The following ANKRD18B variants were observed in gnomAD, a reference collection of about 807,000 sequenced individuals.
The protein encoded by ANKRD18B is ankyrin repeat domain-containing protein 18B.
In ANKRD18B, 75 loss-of-function variants were observed where a neutral mutation model predicts 111.8. The ratio of observed to expected loss-of-function variants is 0.67; its 90% CI spans 0.56 to 0.81. The LOEUF is 0.81. Among genes scored for constraint, ANKRD18B ranks in the 40% least tolerant of loss-of-function variants. The pLI, the probability that ANKRD18B is intolerant of heterozygous loss-of-function variation, is 0.00. For missense variants in ANKRD18B, 1,038 were observed against 1,225.5 expected (o/e 0.85, Z 2.28); for synonymous variants, 356 against 417.3 (o/e 0.85, Z 1.79).
chr9:33,565,424 A>G (rs532833628), intron 14 of ANKRD18B, among the ~76,000 whole-genome samples: 9 of 152,344 alleles, frequency 5.9e-5, no homozygotes, highest in Middle Eastern at 3.4e-3. Context: ...TTTGCGGTTT[A>G]GGGAAAGGCT....
At chr9:33,570,322 T>C (rs1485536052) in intron 17 of ANKRD18B, among the ~76,000 whole-genome samples, 3 of 152,070 alleles carry the variant, frequency 2.0e-5, no homozygotes, top group Non-Finnish European at 4.4e-5. Flanking sequence ...TGGGCCAGGG[T>C]TGAAAAACTG....
chr9:33,543,772 C>T (rs1828317551), intron 10 of ANKRD18B, among the ~76,000 whole-genome samples: 1 of 152,090 alleles, frequency 6.6e-6, no homozygotes, highest in Admixed American at 6.6e-5. Context: ...AGTCCAACTG[C>T]CTATTGAGAG....
Position 33,571,288 on chromosome 9 carries a change from A to C in ANKRD18B, c.3220A>C (p.Lys1074Gln), listed in dbSNP as rs1828772483. The C allele has an allele frequency of 8.6e-7, 1 of 1,168,574 alleles. No homozygotes were observed. The highest frequency in any genetic ancestry group is 1.1e-6 in the Non-Finnish European group (1 of 921,108). The allele number at this position is 1,168,574 out of a possible 1,614,324, so 72.4% of individuals were successfully genotyped here. ...CAEQIITETK[K>Q]TFAALGPCSY... ...AGAACAAATAATTACAGAAACAAAG[A>C]AAAGTATGTTGCCAAAATGTATTAA... is the stretch of plus-strand genomic sequence containing the variant. The change falls in exon 18 of 19, where the codon AAA becomes CAA. Residue 1074 changes from lysine (K) to glutamine (Q), a missense_variant. Physicochemically the swap from Lys to Gln is moderately conservative, Grantham distance 53 (BLOSUM62 1). Transcript: ENST00000684830.
chr9:33,548,891 A>C (rs772391718), intron 11 of ANKRD18B, 36 bp downstream of exon 11: 2 of 1,423,890 alleles, frequency 1.4e-6, no homozygotes. Flanking sequence ...TCTGGAAAGA[A>C]AATTTAAACA....
intron 17 of ANKRD18B, among the ~76,000 whole-genome samples, chr9:33,569,708 C>T (rs890793353): frequency 1.3e-5 from 2 of 152,070 alleles, no homozygotes; most frequent in African/African-American, 4.8e-5. Flanking sequence ...TTAAATAAAA[C>T]ACTGAAAGTT....
In ANKRD18B at chr9:33,548,487, G is replaced by A. The variant is rs1170458947; in HGVS notation, c.1699G>A (p.Ala567Thr). The change falls in exon 11 of 19, where the codon GCT (alanine) becomes ACT (threonine). Residue 567 changes from alanine to threonine, a missense_variant. Physicochemically the swap from Ala to Thr is moderately conservative, Grantham distance 58 (BLOSUM62 0). Around this residue, in one of 4 missense-constraint regions of ANKRD18B, gnomAD observed 524 missense variants for 677.9 expected, o/e 0.77. Coordinates refer to ENST00000684830, the MANE Select transcript of ANKRD18B (RefSeq NM_001393611.1). ...AGGTAAGCTCCGTGAGACAAGAGAT[G>A]CTCTCAGGGAAAAGACATTGGCTTT... ...LKGKLRETRDALREKTLALES... is the reference protein window; with the variant it reads ...LKGKLRETRDTLREKTLALES... The A allele has an allele frequency of 3.9e-6, 6 of 1,551,214 alleles. No individual in the cohort carries two copies. The highest frequency in any genetic ancestry group is 2.4e-5 in the East Asian group (1 of 40,920).
Position 33,550,487 on chromosome 9 carries a change from T to C in ANKRD18B, c.2125T>C (p.Ser709Pro). Residue 709 changes from serine to proline, a missense_variant, in exon 12 of 19, where the codon TCA becomes CCA. Ser to Pro is a moderately conservative substitution (Grantham distance 74). This residue lies in a region of ANKRD18B where 524 missense variants were observed against 677.9 expected (regional missense o/e 0.77). Transcript: ENST00000684830. Reference protein sequence around the residue: ...LVDHLKKFSMSESPLEGTSHC... With the variant: ...LVDHLKKFSMPESPLEGTSHC... Reference sequence around the variant, plus strand: ...CGATCATCTTAAAAAATTTTCAATGTCAGAGTCTCCACTGGAAGGTACATC... The same window carrying C: ...CGATCATCTTAAAAAATTTTCAATGCCAGAGTCTCCACTGGAAGGTACATC... 1.3e-6 allele frequency: 2 copies of C among 1,548,544 alleles called. No individual in the cohort carries two copies. Among genetic ancestry groups the C allele is most frequent in the Non-Finnish European group, 1.7e-6 (2 of 1,145,590 alleles).
chr9:33,572,893 A>G lies in ANKRD18B; in HGVS notation c.*459A>G. The G allele has an allele frequency of 3.4e-6, 1 of 295,034 alleles. No individual in the cohort carries two copies. Among genetic ancestry groups the G allele is most frequent in the Non-Finnish European group, 5.1e-6 (1 of 195,450 alleles). 18.3% of individuals were successfully genotyped at this position (295,034 alleles called of 1,614,324 possible). A position where few individuals can be genotyped will look rare whatever the true frequency, so the allele number is the denominator to read the frequency against. On this transcript the variant is annotated 3_prime_UTR_variant, in exon 19 of 19. Coordinates refer to ENST00000684830, the MANE Select transcript of ANKRD18B (RefSeq NM_001393611.1). ...CAAAACCCACTAGATTTAGCATTTC[A>G]TGGATGACTTGTGTTTGAACAAGTA... is the stretch of plus-strand genomic sequence containing the variant.
At chr9:33,550,877 T>A (rs1321884877) in intron 12 of ANKRD18B, among the ~76,000 whole-genome samples, 2 of 152,194 alleles carry the variant, frequency 1.3e-5, no homozygotes, top group African/African-American at 4.8e-5. Context: ...TATTTTTAGA[T>A]AATTTCCTTA....
At chr9:33,530,144 T>A (rs576854049) in intron 3 of ANKRD18B, among the ~76,000 whole-genome samples, 25 of 152,158 alleles carry the variant, frequency 1.6e-4, no homozygotes, top group Admixed American at 3.9e-4. Context: ...ATATTGGCCA[T>A]GTGGGTGAGA....
At chr9:33,530,498 A>AAGAC (rs1394413853) in intron 3 of ANKRD18B, among the ~76,000 whole-genome samples, 1 of 147,572 alleles carries the variant, frequency 6.8e-6, no homozygotes, top group Non-Finnish European at 1.5e-5. Context: ...AATACATAGT[A>AAGAC]AGACTCTTGT....
chr9:33,552,501 C>T (rs10971560), intron 12 of ANKRD18B, among the ~76,000 whole-genome samples: 12,844 of 152,170 alleles, frequency 0.084, 560 homozygotes, highest in South Asian at 0.099. Context: ...TTTTCAGCTC[C>T]GTGGCTCAGC....
intron 15 of ANKRD18B, 134 bp downstream of exon 15, chr9:33,566,634 A>G: frequency 9.2e-7 from 1 of 1,084,148 alleles, no homozygotes. Flanking sequence ...AGCTCTAGAA[A>G]AAAGTGACGT....
intron 10 of ANKRD18B, among the ~76,000 whole-genome samples, chr9:33,545,821 A>G (rs1563903213): frequency 6.6e-6 from 1 of 152,184 alleles, no homozygotes; most frequent in Non-Finnish European, 1.5e-5. Context: ...TCTTTTTATA[A>G]GTTATCTGAT....
At chr9:33,554,402 T>C (rs1828492648) in intron 12 of ANKRD18B, among the ~76,000 whole-genome samples, 1 of 152,236 alleles carries the variant, frequency 6.6e-6, no homozygotes, top group Admixed American at 6.5e-5. Flanking sequence ...GTCTATAATA[T>C]GTGTACTAGA....
At chr9:33,567,966 AG>A (rs1352798129) in intron 16 of ANKRD18B, among the ~76,000 whole-genome samples, 3 of 152,246 alleles carry the variant, frequency 2.0e-5, no homozygotes, top group African/African-American at 7.2e-5. Context: ...AGAAAGAACA[AG>A]CCCCACCTCC....
In ANKRD18B at chr9:33,558,082, A is replaced by T; in HGVS notation, c.2355A>T (p.Thr785=). ...GATATAAGAAATGCCTAGAAATGAC[A>T]ATAAATATGTTAAATGCATTTGCAA... The part of the protein sequence containing the change: ...ATGYKKCLEM[T]INMLNAFANE... The change falls in exon 14 of 19, where the codon ACA becomes ACT. Residue 785 remains threonine (T), a synonymous_variant. Transcript: ENST00000684830. 1.2e-6 allele frequency: 2 copies of T among 1,607,924 alleles called. No individual in the cohort carries two copies. The highest frequency in any genetic ancestry group is 1.7e-6 in the Non-Finnish European group (2 of 1,176,668).
chr9:33,531,394 A>G (rs1828114498), intron 3 of ANKRD18B, among the ~76,000 whole-genome samples: 1 of 152,186 alleles, frequency 6.6e-6, no homozygotes, highest in Admixed American at 6.5e-5. Flanking sequence ...TAAAAACACA[A>G]GAGCTATAGT....
At position 33,558,084 on chromosome 9, in the gene ANKRD18B, T is replaced by G; in HGVS notation, c.2357T>G (p.Ile786Arg). 6.2e-7 allele frequency: 1 copy of G among 1,608,122 alleles called. No individual in the cohort carries two copies. The change falls in exon 14 of 19, where the codon ATA becomes AGA. Residue 786 changes from isoleucine to arginine, a missense_variant. By Grantham distance (97) the Ile-to-Arg change is moderately conservative (BLOSUM62 -3). This residue lies in a region of ANKRD18B where 524 missense variants were observed against 677.9 expected (regional missense o/e 0.77). Transcript: ENST00000684830. ...TATAAGAAATGCCTAGAAATGACAA[T>G]AAATATGTTAAATGCATTTGCAAAT... Reference protein sequence around the residue: ...TGYKKCLEMTINMLNAFANED... With the variant: ...TGYKKCLEMTRNMLNAFANED...
Sources: gnomAD v4.1 joint callset for allele counts (sites outside exome capture counted in the v4.1 genomes callset) on GRCh38, gnomAD v4.1.1 for gene constraint, gnomAD v4.1.1 regional missense constraint, MANE v1.5 for transcripts, NCBI Gene and HGNC (gene_info 2026-07-23, HGNC 2026-07-21) for gene names.